Variants in ATP8B4 observed in about 807,000 individuals in gnomAD.
The protein encoded by ATP8B4 is ATPase phospholipid transporting 8B4 (putative), also known as probable phospholipid-transporting ATPase IM.
A neutral mutation model predicts 145.6 loss-of-function variants in ATP8B4; 133 were observed. That is an observed-to-expected ratio of 0.91 (90% CI 0.79 to 1.05). The LOEUF (loss-of-function observed/expected upper bound fraction) is 1.05. Ranked by LOEUF, ATP8B4 falls within the 50% of genes least tolerant of loss-of-function variation. ATP8B4 has a pLI of 0.00. For synonymous variants in ATP8B4, 507 were observed against 492.9 expected, an observed-to-expected ratio of 1.03 and a Z score of -0.38; for missense variants, 1,458 against 1,425.2, an observed-to-expected ratio of 1.02 and a Z score of -0.37.
intron 1 of ATP8B4, among the ~76,000 whole-genome samples, chr15:50,155,110 A>G (rs1304108461): frequency 6.6e-6 from 1 of 152,146 alleles, no homozygotes; most frequent in Non-Finnish European, 1.5e-5. Context: ...CTTGTTAACT[A>G]CTTTTATAGC....
At chr15:49,908,186 C>A in intron 20 of ATP8B4, 1 of 444,072 alleles carries the variant, frequency 2.3e-6, no homozygotes, top group African/African-American at 2.0e-5. Flanking sequence ...CATTTAGCAA[C>A]AGGCTTATTA....
chr15:50,174,782 G>GA (rs1305438776), intron 1 of ATP8B4, among the ~76,000 whole-genome samples: 1 of 151,146 alleles, frequency 6.6e-6, no homozygotes, highest in African/African-American at 2.4e-5. Flanking sequence ...CACAGAATTA[G>GA]AAAAAAAACA....
At chr15:50,100,149 A>T (rs2414017) in intron 2 of ATP8B4, among the ~76,000 whole-genome samples, 150,226 of 152,308 alleles carry the variant, frequency 0.99, 74,121 homozygotes, top group Non-Finnish European at 1. Context: ...TGGCTTGTCA[A>T]ATTTTCACAC....
intron 1 of ATP8B4, among the ~76,000 whole-genome samples, chr15:50,132,948 C>G (rs2044068389): frequency 6.6e-6 from 1 of 150,490 alleles, no homozygotes; most frequent in Admixed American, 6.6e-5. Flanking sequence ...CATCACACAC[C>G]AGGGCCTGTT....
In ATP8B4 at chr15:50,151,050, T is replaced by C. The variant is rs547773583; in HGVS notation, c.-43+31211A>G. Among the ~76,000 whole-genome samples the C allele has an allele frequency of 7.7e-4, 117 of 152,322 alleles. No individual in the cohort carries two copies. In the Middle Eastern group the frequency reaches 0.014, roughly 18 times the overall value. ...GGCATCAGGTGGTTTTGTAAATTGT[T>C]GTGTGACTCATTATCAGGCACAACT... On this transcript the variant is annotated intron_variant, in intron 1 of 3. Transcript: ENST00000558829.
At chr15:49,892,321 A>G (rs2036920185) in intron 23 of ATP8B4, among the ~76,000 whole-genome samples, 1 of 152,212 alleles carries the variant, frequency 6.6e-6, no homozygotes, top group African/African-American at 2.4e-5. Context: ...ATATATTCAC[A>G]TACAAATATT....
intron 1 of ATP8B4, among the ~76,000 whole-genome samples, chr15:50,114,896 C>A (rs2057116861): frequency 6.6e-6 from 1 of 152,184 alleles, no homozygotes; most frequent in Non-Finnish European, 1.5e-5. Context: ...TACTGACATT[C>A]AATTATCAAA....
intron 2 of ATP8B4, among the ~76,000 whole-genome samples, chr15:50,104,222 A>G (rs1216299488): frequency 2.0e-5 from 3 of 152,208 alleles, no homozygotes; most frequent in East Asian, 1.9e-4. Flanking sequence ...AAAAACAAAC[A>G]TAAATAAATG....
chr15:49,907,052 G>T (rs1033548831), intron 20 of ATP8B4, among the ~76,000 whole-genome samples: 1 of 152,150 alleles, frequency 6.6e-6, no homozygotes, highest in Non-Finnish European at 1.5e-5. Flanking sequence ...ACTTTCCATG[G>T]TTCCCCAGCA....
intron 10 of ATP8B4, among the ~76,000 whole-genome samples, chr15:49,985,242 G>T (rs1040709302): frequency 1.3e-5 from 2 of 151,884 alleles, no homozygotes; most frequent in Non-Finnish European, 2.9e-5. Context: ...GACTACAGGC[G>T]CCTGCCAACA....
intron 16 of ATP8B4, among the ~76,000 whole-genome samples, chr15:49,929,781 C>T (rs761712456): frequency 6.6e-6 from 1 of 151,718 alleles, no homozygotes; most frequent in African/African-American, 2.4e-5. Context: ...GAAAACAGGG[C>T]CAACAGTCTC....
chr15:50,166,850 G>C (rs947230524), intron 1 of ATP8B4, among the ~76,000 whole-genome samples: 1 of 152,144 alleles, frequency 6.6e-6, no homozygotes, highest in African/African-American at 2.4e-5. Flanking sequence ...TGCATGGGGG[G>C]TTGGGGGTTG....
intron 13 of ATP8B4, among the ~76,000 whole-genome samples, chr15:49,963,862 T>C (rs62020967): frequency 0.22 from 33,352 of 151,912 alleles, 4,825 homozygotes; most frequent in Non-Finnish European, 0.31. Context: ...TTTACCTATG[T>C]AACAAACCTG....
chr15:50,054,186 T>C (rs1416436388), intron 3 of ATP8B4, among the ~76,000 whole-genome samples: 1 of 151,852 alleles, frequency 6.6e-6, no homozygotes, highest in Non-Finnish European at 1.5e-5. Context: ...CCAGTAAGAG[T>C]TTGTTTCTTG....
intron 1 of ATP8B4, among the ~76,000 whole-genome samples, chr15:50,167,224 G>GT (rs2044608762): frequency 6.6e-6 from 1 of 152,168 alleles, no homozygotes; most frequent in South Asian, 2.1e-4. Context: ...TAGGGCTACT[G>GT]TAACAAATCA....
At chr15:50,024,925 A>C (rs2049889931) in intron 6 of ATP8B4, among the ~76,000 whole-genome samples, 1 of 152,112 alleles carries the variant, frequency 6.6e-6, no homozygotes, top group South Asian at 2.1e-4. Context: ...AGGACCTCAC[A>C]CTCTCAAGTG....
At chr15:50,033,240 T>A (rs767822203) in intron 6 of ATP8B4, among the ~76,000 whole-genome samples, 6 of 152,170 alleles carry the variant, frequency 3.9e-5, no homozygotes, top group Non-Finnish European at 7.4e-5. Context: ...AGTTTACCAA[T>A]GCCCAGGAAA....
At chr15:49,886,639 T>C (rs1465875920) in intron 23 of ATP8B4, among the ~76,000 whole-genome samples, 4 of 152,236 alleles carry the variant, frequency 2.6e-5, no homozygotes, top group African/African-American at 7.2e-5. Flanking sequence ...ACTTTCTTCA[T>C]GAATACTTAA....
chr15:49,999,160 T>C (rs2047680378), intron 8 of ATP8B4, among the ~76,000 whole-genome samples: 1 of 151,872 alleles, frequency 6.6e-6, no homozygotes, highest in Non-Finnish European at 1.5e-5. Flanking sequence ...ATAGATTGGA[T>C]TAAGAAAATG....
Sources: allele counts gnomAD v4.1 joint callset (sites outside exome capture counted in the v4.1 genomes callset), GRCh38; gene constraint gnomAD v4.1.1; transcripts MANE v1.5; gene names NCBI Gene and HGNC (gene_info 2026-07-23, HGNC 2026-07-21).